The following ZMPSTE24 variants were observed in gnomAD, a reference collection of about 807,000 sequenced individuals.
The protein encoded by ZMPSTE24 is zinc metallopeptidase STE24.
In ZMPSTE24, 48 loss-of-function variants were observed where a neutral mutation model predicts 56.7. The ratio of observed to expected loss-of-function variants is 0.85; its 90% confidence interval spans 0.67 to 1.08. The LOEUF (loss-of-function observed/expected upper bound fraction) is 1.08. Among genes scored for constraint, ZMPSTE24 ranks in the 50% least tolerant of loss-of-function variants. ZMPSTE24 has a pLI of 0.00. For synonymous variants in ZMPSTE24, 172 were observed against 195.2 expected (o/e 0.88, Z 0.99); for missense variants, 503 against 548.7 (o/e 0.92, Z 0.83).
chr1:40,274,055 G>A (rs182516636), intron 6 of ZMPSTE24, among the ~76,000 whole-genome samples: 19 of 152,198 alleles, frequency 1.2e-4, no homozygotes, highest in Admixed American at 6.5e-4. Flanking sequence ...CATTTCAGAC[G>A]TCAGGCTTCA....
At chr1:40,291,693 T>C (rs1354345217) in intron 9 of ZMPSTE24, among the ~76,000 whole-genome samples, 1 of 152,104 alleles carries the variant, frequency 6.6e-6, no homozygotes, top group East Asian at 1.9e-4. Context: ...AGAGTTAAGA[T>C]GAGCTAAATG....
chr1:40,273,568 ATG>A (rs1569636689), intron 6 of ZMPSTE24, among the ~76,000 whole-genome samples: 1 of 126,370 alleles, frequency 7.9e-6, no homozygotes, highest in South Asian at 2.6e-4. Flanking sequence ...ATATATATAT[ATG>A]TCAGACATTT....
At chr1:40,261,021 G>A in intron 2 of ZMPSTE24, 36 bp downstream of exon 2, 1 of 1,612,994 alleles carries the variant, frequency 6.2e-7, no homozygotes, top group Non-Finnish European at 8.5e-7. Context: ...CAGTCTGTCT[G>A]GTTGTTTTCA....
At chr1:40,273,996 C>G (rs2124584869) in intron 6 of ZMPSTE24, among the ~76,000 whole-genome samples, 1 of 151,868 alleles carries the variant, frequency 6.6e-6, no homozygotes, top group South Asian at 2.1e-4. Context: ...AGGTTATGAC[C>G]TGAGCTGGGT....
rs148578925 is a variant in ZMPSTE24 at position 40,285,093 on chromosome 1, TTTATTATTA to T, written c.955-811_955-803del. On this transcript the variant is annotated intron_variant, in intron 7 of 9. Transcript: ENST00000372759. ...GGCATGCACCACCATGCCTGGCTAA[TTTATTATTA>T]TTATTATTATTATTATTATTTTGAG... is the stretch of plus-strand genomic sequence containing the variant. 1.2e-3 allele frequency among the ~76,000 whole-genome samples: 177 copies of T among 144,738 alleles called. 2 individuals carry two copies. The highest frequency in any genetic ancestry group is 0.011 in the Admixed American group (152 of 14,460). 95.0% of individuals were successfully genotyped at this position (144,738 alleles called of 152,430 possible). A position where few individuals can be genotyped will look rare whatever the true frequency, so the allele number is the denominator to read the frequency against.
At chr1:40,270,844 C>T (rs1643607264) in intron 5 of ZMPSTE24, among the ~76,000 whole-genome samples, 2 of 152,176 alleles carry the variant, frequency 1.3e-5, no homozygotes, top group African/African-American at 4.8e-5. Context: ...CAGGGCCAGG[C>T]ACAGTGGCTT....
intron 6 of ZMPSTE24, among the ~76,000 whole-genome samples, chr1:40,278,810 A>G (rs1345382302): frequency 6.6e-6 from 1 of 152,192 alleles, no homozygotes; most frequent in Non-Finnish European, 1.5e-5. Context: ...ATAAAGAAGA[A>G]AATAAAAATC....
intron 8 of ZMPSTE24, among the ~76,000 whole-genome samples, chr1:40,287,810 C>T (rs892587523): frequency 6.6e-6 from 1 of 152,086 alleles, no homozygotes; most frequent in Non-Finnish European, 1.5e-5. Flanking sequence ...GGTGAAAAAG[C>T]ACTATATCAT....
intron 6 of ZMPSTE24, among the ~76,000 whole-genome samples, chr1:40,275,480 G>T (rs1307005167): frequency 2.0e-5 from 3 of 151,250 alleles, no homozygotes; most frequent in Admixed American, 2.0e-4. Context: ...GGCCAGGCGT[G>T]GTGGCTCACG....
At chr1:40,276,979 T>C (rs1205293656) in intron 6 of ZMPSTE24, among the ~76,000 whole-genome samples, 2 of 152,202 alleles carry the variant, frequency 1.3e-5, no homozygotes, top group Non-Finnish European at 2.9e-5. Context: ...GTGGGACCAC[T>C]GTCCTATATG....
intron 6 of ZMPSTE24, among the ~76,000 whole-genome samples, chr1:40,274,011 A>G (rs970642803): frequency 2.6e-5 from 4 of 152,078 alleles, no homozygotes; most frequent in Non-Finnish European, 2.9e-5. Context: ...CTGGGTGTTA[A>G]TGGGAAGTCA....
rs115105195 is a variant in ZMPSTE24 at position 40,263,333 on chromosome 1, G to T, written c.270+2348G>T. 8.9e-4 allele frequency among the ~76,000 whole-genome samples: 136 copies of T among 152,320 alleles called. 1 individual carries two copies. Among genetic ancestry groups the T allele is most frequent in the Non-Finnish European group, 1.7e-3 (113 of 68,014 alleles). On this transcript the variant is annotated intron_variant, in intron 2 of 9. Coordinates refer to ENST00000372759, the MANE Select transcript of ZMPSTE24 (RefSeq NM_005857.5). ...TACATAGTTTTTATATGTATTGTTT[G>T]ATGTTTACAACAGTGAAGTGGAAAG... is the stretch of plus-strand genomic sequence containing the variant.
At chr1:40,269,427 C>T (rs532381673) in intron 4 of ZMPSTE24, among the ~76,000 whole-genome samples, 2 of 152,106 alleles carry the variant, frequency 1.3e-5, no homozygotes, top group Admixed American at 1.3e-4. Flanking sequence ...GTTATAAACT[C>T]CTTTAGCACT....
rs1282968616 is a variant in ZMPSTE24 at position 40,264,889 on chromosome 1, A to G, written c.271-2897A>G. Among the ~76,000 whole-genome samples the G allele has an allele frequency of 2.0e-5, 3 of 151,480 alleles. No homozygotes were observed. The East Asian group carries it at 5.8e-4, about 29-fold the overall frequency. On this transcript the variant is annotated intron_variant, in intron 2 of 9. Transcript: ENST00000372759. ...TGAGATCCTGTCTCAAAAAAAAAAAAAAAAAAAAAAAGAATGTAGTGAAAT... is the reference window on the plus strand; with the variant it reads ...TGAGATCCTGTCTCAAAAAAAAAAAGAAAAAAAAAAAGAATGTAGTGAAAT...
chr1:40,259,159 A>AAAAT (rs1162427552), intron 1 of ZMPSTE24, among the ~76,000 whole-genome samples: 7 of 152,176 alleles, frequency 4.6e-5, no homozygotes, highest in Non-Finnish European at 8.8e-5. Flanking sequence ...ACTCAATCTC[A>AAAAT]AAATAAATAA....
At chr1:40,269,085 A>G (rs1643586351) in intron 4 of ZMPSTE24, among the ~76,000 whole-genome samples, 1 of 138,468 alleles carries the variant, frequency 7.2e-6, no homozygotes, top group Non-Finnish European at 1.5e-5. Context: ...AAAAAAAAAA[A>G]AAAAAAAAAA....
chr1:40,278,202 A>G (rs1643689777), intron 6 of ZMPSTE24, among the ~76,000 whole-genome samples: 2 of 152,154 alleles, frequency 1.3e-5, no homozygotes, highest in African/African-American at 4.8e-5. Flanking sequence ...TAGAAAATTC[A>G]TGTTTTTTGT....
chr1:40,259,836 T>G (rs1643477649), intron 1 of ZMPSTE24, among the ~76,000 whole-genome samples: 1 of 151,998 alleles, frequency 6.6e-6, no homozygotes, highest in Non-Finnish European at 1.5e-5. Context: ...TGGACTCAAG[T>G]CATCTTGCCG....
At chr1:40,280,580 A>G (rs997965354) in intron 6 of ZMPSTE24, among the ~76,000 whole-genome samples, 1 of 152,012 alleles carries the variant, frequency 6.6e-6, no homozygotes, top group African/African-American at 2.4e-5. Context: ...GTGCGCCACC[A>G]TGCCCGGCTA....
Sources: allele counts gnomAD v4.1 joint callset (sites outside exome capture counted in the v4.1 genomes callset), GRCh38; gene constraint gnomAD v4.1.1; transcripts MANE v1.5; gene names NCBI Gene and HGNC (gene_info 2026-07-23, HGNC 2026-07-21).